Variants in KLHL7 observed in about 807,000 individuals in gnomAD.
KLHL7 encodes kelch-like protein 7.
A neutral mutation model predicts 67.4 loss-of-function variants in KLHL7; 44 were observed. The observed-to-expected ratio is 0.65, with a 90% CI of 0.51 to 0.84. The LOEUF (loss-of-function observed/expected upper bound fraction) is 0.84, where lower values mean the gene tolerates loss of function less well. Among genes scored for constraint, KLHL7 ranks in the 40% least tolerant of loss-of-function variants. The pLI is 0.00. For synonymous variants in KLHL7, 252 were observed against 243.3 expected, an observed-to-expected ratio of 1.04 and a Z score of -0.33; for missense variants, 362 against 718.1, an observed-to-expected ratio of 0.50 and a Z score of 5.67.
intron 4 of KLHL7, among the ~76,000 whole-genome samples, chr7:23,134,562 C>T (rs536476321): frequency 5.3e-5 from 8 of 152,168 alleles, no homozygotes; most frequent in African/African-American, 1.7e-4. Flanking sequence ...TGGTAGAATT[C>T]ATCAGGGAAG....
At chr7:23,143,307 A>G (rs1418098433) in intron 5 of KLHL7, among the ~76,000 whole-genome samples, 1 of 152,238 alleles carries the variant, frequency 6.6e-6, no homozygotes, top group Non-Finnish European at 1.5e-5. Context: ...ATTTTGGAAG[A>G]CAATTCTTTT....
rs140460256 is a variant in KLHL7, at chr7:23,141,903, G to A, written c.618+959G>A. 6.0e-5 allele frequency among the ~76,000 whole-genome samples: 9 copies of A among 150,762 alleles called. No individual in the cohort carries two copies. In the East Asian group the frequency reaches 1.2e-3, roughly 20 times the overall value. ...CTCCCAAAGTGCTGGGATTACAGGC[G>A]TGAGCCACCGCACCCGGCCTTATTT... is the stretch of plus-strand genomic sequence containing the variant. On this transcript the variant is annotated intron_variant, in intron 5 of 10. Transcript: ENST00000339077.
intron 4 of KLHL7, among the ~76,000 whole-genome samples, chr7:23,137,731 ATCC>A (rs368921242): frequency 3.5e-4 from 53 of 150,882 alleles, no homozygotes; most frequent in African/African-American, 1.2e-3. Context: ...TGCCCGCCTC[ATCC>A]TCCTAAAATG....
intron 6 of KLHL7, among the ~76,000 whole-genome samples, chr7:23,145,599 T>G (rs1348467698): frequency 6.6e-6 from 1 of 152,234 alleles, no homozygotes; most frequent in East Asian, 1.9e-4. Context: ...AGCTGGTCAT[T>G]TTTAAAATTG....
intron 4 of KLHL7, among the ~76,000 whole-genome samples, chr7:23,138,178 GA>G (rs1329455524): frequency 3.5e-5 from 5 of 143,472 alleles, no homozygotes; most frequent in Non-Finnish European, 6.1e-5. Context: ...TCCGTCTCAA[GA>G]AAAAAAAGGC....
At chr7:23,169,748 A>G (rs916496575) in intron 9 of KLHL7, among the ~76,000 whole-genome samples, 6 of 152,196 alleles carry the variant, frequency 3.9e-5, no homozygotes, top group African/African-American at 1.4e-4. Context: ...CAGTTTCAGG[A>G]ATATTTAAAA....
At chr7:23,151,307 C>T (rs1784529302) in intron 6 of KLHL7, among the ~76,000 whole-genome samples, 1 of 152,054 alleles carries the variant, frequency 6.6e-6, no homozygotes, top group Non-Finnish European at 1.5e-5. Context: ...GACCATCCTC[C>T]TTTCCCACAC....
At chr7:23,141,919 G>A (rs537284108) in intron 5 of KLHL7, among the ~76,000 whole-genome samples, 17 of 147,448 alleles carry the variant, frequency 1.2e-4, no homozygotes, top group East Asian at 8.1e-4. Flanking sequence ...CACCGCACCC[G>A]GCCTTATTTA....
intron 1 of KLHL7, among the ~76,000 whole-genome samples, chr7:23,110,510 C>A (rs760192207): frequency 6.6e-6 from 1 of 152,134 alleles, no homozygotes; most frequent in Non-Finnish European, 1.5e-5. Context: ...AACCAAACAA[C>A]CAGCAAACCC....
intron 10 of KLHL7, 128 bp from the exon 11 acceptor site, chr7:23,173,887 A>T: frequency 2.2e-6 from 2 of 905,740 alleles, no homozygotes; most frequent in East Asian, 2.6e-5. Flanking sequence ...TAAAATTATT[A>T]CAGTTTTTCT....
At chr7:23,149,683 T>A (rs1316869845) in intron 6 of KLHL7, among the ~76,000 whole-genome samples, 1 of 152,262 alleles carries the variant, frequency 6.6e-6, no homozygotes, top group Admixed American at 6.5e-5. Flanking sequence ...TGTGATTTTT[T>A]ACAATTGTAA....
intron 1 of KLHL7, among the ~76,000 whole-genome samples, chr7:23,112,335 A>G (rs764809608): frequency 3.9e-5 from 6 of 152,214 alleles, no homozygotes; most frequent in Non-Finnish European, 8.8e-5. Context: ...TTAATTTGTG[A>G]TATCATTGTG....
intron 1 of KLHL7, among the ~76,000 whole-genome samples, chr7:23,114,087 A>T (rs1782991174): frequency 6.6e-6 from 1 of 152,250 alleles, no homozygotes. Flanking sequence ...ATTAAGTTAG[A>T]ACTGAAGACA....
At position 23,125,901 on chromosome 7, in the gene KLHL7, C is replaced by T. The variant is rs530335982; in HGVS notation, c.442+729C>T. 9.1e-5 allele frequency: 136 copies of T among 1,501,872 alleles called. No homozygotes were observed. In the South Asian group the frequency reaches 1.5e-3, roughly 17 times the overall value. 93.0% of individuals were successfully genotyped at this position (1,501,872 alleles called of 1,614,324 possible). ...ATCTGCAGGATACGTTCCAAGACCC[C>T]CAGTGAATGCCTGAAACTGCAGATA... On this transcript the variant is annotated intron_variant, in intron 4 of 10. Transcript: ENST00000339077.
chr7:23,130,280 T>C (rs1783751274), intron 4 of KLHL7, among the ~76,000 whole-genome samples: 1 of 152,208 alleles, frequency 6.6e-6, no homozygotes, highest in East Asian at 1.9e-4. Flanking sequence ...AGTTTTTGCA[T>C]AGAGATATTT....
At chr7:23,131,590 G>A (rs1783799968) in intron 4 of KLHL7, among the ~76,000 whole-genome samples, 1 of 152,092 alleles carries the variant, frequency 6.6e-6, no homozygotes, top group Admixed American at 6.6e-5. Flanking sequence ...AGCACATCAT[G>A]GAGAATGGGG....
At chr7:23,157,388 A>G (rs17147762) in intron 7 of KLHL7, among the ~76,000 whole-genome samples, 1 of 152,222 alleles carries the variant, frequency 6.6e-6, no homozygotes, top group African/African-American at 2.4e-5. Context: ...GTGGGTCATC[A>G]TGAGTATCCC....
intron 6 of KLHL7, among the ~76,000 whole-genome samples, chr7:23,150,810 A>G (rs1784508047): frequency 6.6e-6 from 1 of 152,342 alleles, no homozygotes; most frequent in East Asian, 1.9e-4. Context: ...GGCCAATCTG[A>G]TAAGTGAAAA....
intron 6 of KLHL7, among the ~76,000 whole-genome samples, chr7:23,145,993 A>G (rs1022239496): frequency 1.3e-5 from 2 of 152,170 alleles, no homozygotes; most frequent in Non-Finnish European, 2.9e-5. Flanking sequence ...AGGCTTCCCA[A>G]GATGCTGGGA....
Sources: allele counts gnomAD v4.1 joint callset (sites outside exome capture counted in the v4.1 genomes callset), GRCh38; gene constraint gnomAD v4.1.1; transcripts MANE v1.5; gene names NCBI Gene and HGNC (gene_info 2026-07-23, HGNC 2026-07-21).